LANCL3: variants seen among roughly 807,000 people sequenced by gnomAD.
LANCL3 encodes the protein lanC-like protein 3.
LANCL3 carries 19 observed loss-of-function variants against 26.5 expected under a neutral mutation model. The ratio of observed to expected loss-of-function variants is 0.72; its 90% CI spans 0.50 to 1.05. The LOEUF is 1.05. Among genes scored for constraint, LANCL3 ranks in the 50% least tolerant of loss-of-function variants. The probability of loss-of-function intolerance (pLI) is 0.00; values close to 1 mark genes in which losing one functional copy is unlikely to be tolerated. For missense variants in LANCL3, 318 were observed against 362.7 expected (o/e 0.88, Z 1.00); for synonymous variants, 160 against 166.6 (o/e 0.96, Z 0.30).
intron 1 of LANCL3, among the ~76,000 whole-genome samples, chrX:37,652,867 C>T (rs1926190061): frequency 8.9e-6 from 1 of 111,753 alleles, no homozygotes; most frequent in South Asian, 3.8e-4. Flanking sequence ...AAGCCCTTAC[C>T]CCAGAATCTC....
intron 1 of LANCL3, among the ~76,000 whole-genome samples, chrX:37,580,997 A>G (rs1396307769): frequency 8.9e-6 from 1 of 112,012 alleles, no homozygotes; most frequent in Non-Finnish European, 1.9e-5. Context: ...TAATGTGCAT[A>G]CAAACCCCAG....
At chrX:37,596,990 C>T (rs960818535) in intron 1 of LANCL3, among the ~76,000 whole-genome samples, 2 of 111,843 alleles carry the variant, frequency 1.8e-5, no homozygotes. Flanking sequence ...TCCTCTCAAC[C>T]CCATCCCACA....
chrX:37,634,036 G>A, intron 1 of LANCL3, among the ~76,000 whole-genome samples: 1 of 112,750 alleles, frequency 8.9e-6, no homozygotes. Flanking sequence ...GCCCCCAGAG[G>A]TGGAGCCTAC....
intron 3 of LANCL3, among the ~76,000 whole-genome samples, chrX:37,664,408 A>G (rs1926492239): frequency 8.9e-6 from 1 of 112,288 alleles, no homozygotes. Context: ...TGCCTGGCAT[A>G]TAGCAGATGC....
Position 37,675,691 on chromosome X carries a change from G to A in LANCL3, c.1141G>A (p.Gly381Ser), listed in dbSNP as rs1926783416. The change falls in exon 5 of 5, where the codon GGT becomes AGT. Residue 381 changes from glycine (G) to serine (S), a missense_variant. Transcript: ENST00000378619. ...CTTATTTACCGAGGAATTCAAGGCC[G>A]GTTCTCGGGTCCTTGAAAGTATATA... is the stretch of plus-strand genomic sequence containing the variant. ...QFLFTEEFKA[G>S]SRVLESIYSL... The A allele has an allele frequency of 1.8e-5, 21 of 1,144,519 alleles. No homozygotes were observed. Among genetic ancestry groups the A allele is most frequent in the East Asian group, 1.7e-4 (5 of 30,162 alleles). The allele number at this position is 1,144,519 out of a possible 1,213,427, so 94.3% of individuals were successfully genotyped here.
intron 1 of LANCL3, among the ~76,000 whole-genome samples, chrX:37,651,617 T>A (rs1468027212): frequency 9.0e-6 from 1 of 111,362 alleles, no homozygotes; most frequent in African/African-American, 3.3e-5. Flanking sequence ...TTTTTTTTTT[T>A]ATACTTTAAG....
intron 1 of LANCL3, among the ~76,000 whole-genome samples, chrX:37,586,163 T>G (rs1363608828): frequency 8.9e-6 from 1 of 112,252 alleles, no homozygotes; most frequent in Non-Finnish European, 1.9e-5. Context: ...TGCCGAGAGA[T>G]CCACTGTGAG....
chrX:37,631,583 G>T (rs1339585395), intron 1 of LANCL3, among the ~76,000 whole-genome samples: 2 of 110,564 alleles, frequency 1.8e-5, no homozygotes, highest in Non-Finnish European at 1.9e-5. Context: ...TCTCTTGTGG[G>T]CATTTAGTCC....
At chrX:37,631,574 C>A (rs1311310392) in intron 1 of LANCL3, among the ~76,000 whole-genome samples, 1 of 111,095 alleles carries the variant, frequency 9.0e-6, no homozygotes, top group Non-Finnish European at 1.9e-5. Flanking sequence ...TTCCTGCTTT[C>A]TCTTGTGGGC....
At chrX:37,664,654 T>A (rs1260466702) in intron 3 of LANCL3, among the ~76,000 whole-genome samples, 1 of 111,584 alleles carries the variant, frequency 9.0e-6, no homozygotes, top group African/African-American at 3.3e-5. Context: ...GTACAAAGGA[T>A]TTTGTCATGC....
chrX:37,582,935 T>C (rs1377013900), intron 1 of LANCL3, among the ~76,000 whole-genome samples: 3 of 111,922 alleles, frequency 2.7e-5, no homozygotes, highest in Admixed American at 9.4e-5. Flanking sequence ...TCTTCTAGGG[T>C]TTTTATGGTT....
At chrX:37,606,574 G>T (rs1247707702) in intron 1 of LANCL3, among the ~76,000 whole-genome samples, 1 of 111,929 alleles carries the variant, frequency 8.9e-6, no homozygotes, top group Non-Finnish European at 1.9e-5. Flanking sequence ...TGCCTGGTAG[G>T]TGTGCAGTAA....
intron 1 of LANCL3, among the ~76,000 whole-genome samples, chrX:37,638,583 A>C (rs1239598973): frequency 8.9e-6 from 1 of 111,930 alleles, no homozygotes; most frequent in African/African-American, 3.3e-5. Context: ...ATTCTACCAT[A>C]TAACAGATAT....
At chrX:37,581,784 A>G (rs1923901294) in intron 1 of LANCL3, among the ~76,000 whole-genome samples, 1 of 111,849 alleles carries the variant, frequency 8.9e-6, no homozygotes, top group Non-Finnish European at 1.9e-5. Context: ...TATTTGTATT[A>G]TAATTTTTTT....
chrX:37,642,696 A>G (rs1455242751), intron 1 of LANCL3, among the ~76,000 whole-genome samples: 2 of 112,196 alleles, frequency 1.8e-5, no homozygotes, highest in African/African-American at 6.5e-5. Context: ...CCCTAGCTAC[A>G]AGGAATGCAG....
intron 1 of LANCL3, among the ~76,000 whole-genome samples, chrX:37,648,595 G>A (rs1926046244): frequency 8.9e-6 from 1 of 112,062 alleles, no homozygotes; most frequent in Non-Finnish European, 1.9e-5. Flanking sequence ...TGCAACAAAA[G>A]CCAAAATTGA....
At chrX:37,621,608 A>T (rs887639156) in intron 1 of LANCL3, among the ~76,000 whole-genome samples, 40 of 112,724 alleles carry the variant, frequency 3.5e-4, no homozygotes, top group African/African-American at 1.2e-3. Context: ...TGCTATTTCA[A>T]TGAAATGATT....
At chrX:37,606,799 T>G (rs1463701051) in intron 1 of LANCL3, among the ~76,000 whole-genome samples, 1 of 112,347 alleles carries the variant, frequency 8.9e-6, no homozygotes, top group African/African-American at 3.2e-5. Context: ...TCCTGATTAT[T>G]TCACATGTAA....
chrX:37,628,562 G>T, intron 1 of LANCL3, among the ~76,000 whole-genome samples: 2 of 101,222 alleles, frequency 2.0e-5, no homozygotes. Flanking sequence ...TCGTCATTTA[G>T]CATTAGGTAT....
Sources: gnomAD v4.1 joint callset for allele counts (sites outside exome capture counted in the v4.1 genomes callset) on GRCh38, gnomAD v4.1.1 for gene constraint, MANE v1.5 for transcripts, NCBI Gene and HGNC (gene_info 2026-07-23, HGNC 2026-07-21) for gene names.